The following PARD3B variants were observed in gnomAD, a reference collection of about 807,000 sequenced individuals.
The protein encoded by PARD3B is par-3 family cell polarity regulator beta, also known as partitioning defective 3 homolog B.
Under a neutral mutation model 130.2 loss-of-function variants are expected in PARD3B, and 103 were observed. The ratio of observed to expected loss-of-function variants is 0.79; its 90% CI spans 0.67 to 0.93. The LOEUF (loss-of-function observed/expected upper bound fraction) is 0.93, where lower values mean the gene tolerates loss of function less well. Among genes scored for constraint, PARD3B ranks in the 40% least tolerant of loss-of-function variants. The probability of loss-of-function intolerance (pLI) is 0.00; values close to 1 mark genes in which losing one functional copy is unlikely to be tolerated. For synonymous variants in PARD3B, 583 were observed against 553.2 expected (o/e 1.05, Z -0.76); for missense variants, 1,609 against 1,499.2 (o/e 1.07, Z -1.21).
At chr2:204,686,695 G>A (rs1032025533) in intron 2 of PARD3B, among the ~76,000 whole-genome samples, 1 of 152,186 alleles carries the variant, frequency 6.6e-6, no homozygotes, top group Non-Finnish European at 1.5e-5. Context: ...AAGAATTACA[G>A]TGAAGATTTT....
At chr2:204,614,298 A>T (rs1206234914) in intron 1 of PARD3B, among the ~76,000 whole-genome samples, 1 of 152,096 alleles carries the variant, frequency 6.6e-6, no homozygotes, top group Non-Finnish European at 1.5e-5. Context: ...TAATATAAAA[A>T]TCGAGCAATA....
chr2:204,601,069 G>C (rs1458537163), intron 1 of PARD3B, among the ~76,000 whole-genome samples: 1 of 151,772 alleles, frequency 6.6e-6, no homozygotes, highest in Non-Finnish European at 1.5e-5. Flanking sequence ...CTTAAGACCT[G>C]TATTTTAAAA....
intron 14 of PARD3B, among the ~76,000 whole-genome samples, chr2:205,188,122 A>G (rs1274875924): frequency 6.6e-6 from 1 of 152,218 alleles, no homozygotes; most frequent in Non-Finnish European, 1.5e-5. Flanking sequence ...ATGCAATGGG[A>G]GCCTAGAGGA....
At chr2:204,950,946 T>G (rs1297678563) in intron 2 of PARD3B, among the ~76,000 whole-genome samples, 1 of 152,222 alleles carries the variant, frequency 6.6e-6, no homozygotes. Context: ...AAGGTTCCAC[T>G]GGGACTATAA....
chr2:204,837,968 C>T (rs1260195389), intron 2 of PARD3B, among the ~76,000 whole-genome samples: 1 of 150,452 alleles, frequency 6.6e-6, no homozygotes, highest in Non-Finnish European at 1.5e-5. Flanking sequence ...GCACTGTGCC[C>T]TAAGCATTGG....
At chr2:204,905,514 T>C (rs1486829232) in intron 2 of PARD3B, among the ~76,000 whole-genome samples, 2 of 152,138 alleles carry the variant, frequency 1.3e-5, no homozygotes, top group African/African-American at 4.8e-5. Context: ...TGGCCAAATA[T>C]AAATATACTC....
At chr2:204,649,684 A>T (rs888795921) in intron 1 of PARD3B, among the ~76,000 whole-genome samples, 16 of 152,200 alleles carry the variant, frequency 1.1e-4, no homozygotes, top group African/African-American at 3.9e-4. Flanking sequence ...CTATTCAATA[A>T]ATGCTGCTTG....
intron 1 of PARD3B, among the ~76,000 whole-genome samples, chr2:204,636,381 G>A (rs2034875204): frequency 6.6e-6 from 1 of 151,812 alleles, no homozygotes; most frequent in Non-Finnish European, 1.5e-5. Flanking sequence ...TGTGTGCTTG[G>A]TGTTCCTAGG....
At chr2:204,576,444 C>T (rs191061327) in intron 1 of PARD3B, among the ~76,000 whole-genome samples, 10 of 152,200 alleles carry the variant, frequency 6.6e-5, no homozygotes, top group East Asian at 1.9e-4. Context: ...TACATTGTTG[C>T]GGCAAAGTTT....
intron 1 of PARD3B, among the ~76,000 whole-genome samples, chr2:204,655,198 G>A (rs1012078567): frequency 6.6e-6 from 1 of 152,148 alleles, no homozygotes; most frequent in Non-Finnish European, 1.5e-5. Flanking sequence ...TTACCAATAA[G>A]TATCTCTTTT....
chr2:204,921,188 G>A lies in PARD3B; in HGVS notation c.223-43964G>A, dbSNP rs115911453. 3.8e-3 allele frequency among the ~76,000 whole-genome samples: 576 copies of A among 152,148 alleles called. 5 individuals carry two copies. The highest frequency in any genetic ancestry group is 0.013 in the African/African-American group (543 of 41,498). On this transcript the variant is annotated intron_variant, in intron 2 of 22. Coordinates refer to ENST00000406610, the MANE Select transcript of PARD3B (RefSeq NM_001302769.2). Reference sequence around the variant, plus strand: ...TCAGTGCTGGTTCATTAGACCTTCCGCATTTTTAATAGAATTCATTCATTG... The same window carrying A: ...TCAGTGCTGGTTCATTAGACCTTCCACATTTTTAATAGAATTCATTCATTG...
intron 14 of PARD3B, among the ~76,000 whole-genome samples, chr2:205,189,634 C>A (rs1276306183): frequency 6.6e-6 from 1 of 152,138 alleles, no homozygotes; most frequent in Non-Finnish European, 1.5e-5. Flanking sequence ...CCTCTTAATG[C>A]AAACACTCGA....
In PARD3B at chr2:204,902,340, CGCTTCTGAATAGCTAGACGTTTTTAAG is replaced by C. The variant is rs1559242760; in HGVS notation, c.223-62811_223-62785del. On this transcript the variant is annotated intron_variant, in intron 2 of 22. Coordinates refer to ENST00000406610, the MANE Select transcript of PARD3B (RefSeq NM_001302769.2). The stretch of plus-strand genomic sequence containing the variant: ...TATGGGTTATAAGCATGAGTGTGAT[CGCTTCTGAATAGCTAGACGTTTTTAAG>C]TTGTATAAAGAATGAGTTTCAGCCA... 9.1e-4 allele frequency among the ~76,000 whole-genome samples: 139 copies of C among 152,058 alleles called. 1 individual carries two copies. The highest frequency in any genetic ancestry group is 3.2e-3 in the African/African-American group (133 of 41,474).
chr2:204,741,048 T>C (rs1463685629), intron 2 of PARD3B, among the ~76,000 whole-genome samples: 1 of 152,188 alleles, frequency 6.6e-6, no homozygotes, highest in African/African-American at 2.4e-5. Context: ...TTTTATTTCA[T>C]TTCAAAATAA....
chr2:205,254,070 C>T (rs1318346328), intron 16 of PARD3B, among the ~76,000 whole-genome samples: 1 of 109,768 alleles, frequency 9.1e-6, no homozygotes, highest in Admixed American at 1.2e-4. Flanking sequence ...AGAGTGGTAT[C>T]ATTAGTTGTA....
intron 3 of PARD3B, among the ~76,000 whole-genome samples, chr2:205,045,271 C>T (rs1285414283): frequency 6.6e-6 from 1 of 150,770 alleles, no homozygotes. Flanking sequence ...TATTTTGAGA[C>T]AGAGTCTCAC....
intron 13 of PARD3B, among the ~76,000 whole-genome samples, chr2:205,181,917 A>G (rs2035809519): frequency 6.6e-6 from 1 of 152,234 alleles, no homozygotes; most frequent in Non-Finnish European, 1.5e-5. Context: ...AGACTTTTAC[A>G]CTGAAACAAG....
At chr2:204,739,718 A>G (rs1352643588) in intron 2 of PARD3B, among the ~76,000 whole-genome samples, 2 of 152,032 alleles carry the variant, frequency 1.3e-5, no homozygotes, top group African/African-American at 4.8e-5. Flanking sequence ...CCCAAACTGC[A>G]GGGATTACAG....
At chr2:204,763,642 T>C (rs1009358105) in intron 2 of PARD3B, among the ~76,000 whole-genome samples, 1 of 152,238 alleles carries the variant, frequency 6.6e-6, no homozygotes, top group African/African-American at 2.4e-5. Flanking sequence ...TAGAAGTGAC[T>C]GACGCATAGC....
Sources: gnomAD v4.1 joint callset for allele counts (sites outside exome capture counted in the v4.1 genomes callset) on GRCh38, gnomAD v4.1.1 for gene constraint, MANE v1.5 for transcripts, NCBI Gene and HGNC (gene_info 2026-07-23, HGNC 2026-07-21) for gene names.